Variants in UBASH3A observed in about 807,000 individuals in gnomAD.
UBASH3A encodes ubiquitin-associated and SH3 domain-containing protein A.
In UBASH3A, 63 loss-of-function variants were observed where a neutral mutation model predicts 73.5. The ratio of observed to expected loss-of-function variants is 0.86; its 90% CI spans 0.70 to 1.06. UBASH3A has a LOEUF of 1.06. Among genes scored for constraint, UBASH3A ranks in the 50% least tolerant of loss-of-function variants. The pLI is 0.00. For missense variants in UBASH3A, 860 were observed against 859.0 expected, an observed-to-expected ratio of 1.00 and a Z score of -0.02; for synonymous variants, 363 against 351.1, an observed-to-expected ratio of 1.03 and a Z score of -0.38.
chr21:42,420,219 C>T (rs569752151), intron 7 of UBASH3A, among the ~76,000 whole-genome samples: 8 of 152,086 alleles, frequency 5.3e-5, no homozygotes, highest in South Asian at 2.1e-4. Flanking sequence ...CTCGAGTCCC[C>T]GATATAAAAT....
In UBASH3A at chr21:42,432,237, C is replaced by A. The variant is rs180853404; in HGVS notation, c.1270+35C>A. The A allele has an allele frequency of 9.0e-5, 126 of 1,393,552 alleles. No homozygotes were observed. In the East Asian group the frequency reaches 2.8e-3, roughly 31 times the overall value. 86.3% of individuals were successfully genotyped at this position (1,393,552 alleles called of 1,614,324 possible). A position where few individuals can be genotyped will look rare whatever the true frequency, so the allele number is the denominator to read the frequency against. On this transcript the variant is annotated intron_variant, in intron 9 of 14. Transcript: ENST00000319294. ...ACTCAGGCGGGTCTACGGACAGAAA[C>A]ACTGTAGATCTAACCAATGAGATCT...
At chr21:42,409,732 T>C (rs2053052502) in intron 3 of UBASH3A, 124 bp downstream of exon 3, 1 of 838,868 alleles carries the variant, frequency 1.2e-6, no homozygotes, top group Non-Finnish European at 1.9e-6. Context: ...CATCATTAGC[T>C]GGCACCTTCA....
intron 6 of UBASH3A, among the ~76,000 whole-genome samples, chr21:42,418,159 G>A (rs552512147): frequency 3.0e-4 from 45 of 152,244 alleles, no homozygotes; most frequent in African/African-American, 9.9e-4. Flanking sequence ...TGGGATTACA[G>A]GCGTGAGCCA....
chr21:42,441,991 C>T (rs975021626), intron 11 of UBASH3A, among the ~76,000 whole-genome samples: 1 of 152,198 alleles, frequency 6.6e-6, no homozygotes, highest in Non-Finnish European at 1.5e-5. Flanking sequence ...CCATTCTTCA[C>T]CTCTTGCCCC....
chr21:42,433,283 G>A (rs946959852), intron 9 of UBASH3A, among the ~76,000 whole-genome samples: 1 of 152,158 alleles, frequency 6.6e-6, no homozygotes, highest in Non-Finnish European at 1.5e-5. Flanking sequence ...ATATTGCAGG[G>A]TTTAATAAAT....
chr21:42,437,699 G>A, intron 11 of UBASH3A, 119 bp downstream of exon 11: 1 of 893,074 alleles, frequency 1.1e-6, no homozygotes, highest in Admixed American at 2.0e-5. Flanking sequence ...CCACACCAAA[G>A]TCATCAGGCA....
intron 1 of UBASH3A, among the ~76,000 whole-genome samples, chr21:42,405,180 T>C (rs1421263869): frequency 1.3e-5 from 2 of 152,138 alleles, no homozygotes; most frequent in African/African-American, 2.4e-5. Flanking sequence ...TTGTCGTCAC[T>C]GTTATGTTCA....
rs764097928 is a variant in UBASH3A, at chr21:42,447,157, C to T, written c.1949C>T (p.Ala650Val). 4 of 1,614,156 alleles carry T rather than the reference C, an allele frequency of 2.5e-6. No individual in the cohort carries two copies. The East Asian group carries it at 8.9e-5, about 36-fold the overall frequency. ...PVKTLTHGANAAFNWRNWISG... is the reference protein window; with the variant it reads ...PVKTLTHGANVAFNWRNWISG... ...AAGACCCTGACCCACGGGGCGAACG[C>T]AGCATTTAACTGGAGGAACTGGATC... The change falls in exon 15 of 15, where the codon GCA (alanine) becomes GTA (valine). Residue 650 changes from alanine (A) to valine (V), a missense_variant. Transcript: ENST00000319294.
intron 7 of UBASH3A, among the ~76,000 whole-genome samples, chr21:42,419,341 T>A (rs1259389856): frequency 1.1e-4 from 17 of 152,224 alleles, no homozygotes; most frequent in Admixed American, 1.0e-3. Context: ...TTTATCTCTT[T>A]CCTCTCCCGC....
rs554148189 is a variant in UBASH3A at position 42,434,926 on chromosome 21, G to C, written c.1365G>C (p.Ser455=). The C allele has an allele frequency of 2.5e-6, 4 of 1,614,174 alleles. No individual in the cohort carries two copies. In the East Asian group the frequency reaches 8.9e-5, roughly 36 times the overall value. ...KDFENDPPLS[S]CGIFQSRIAG... is the part of the protein sequence containing the mutation. ...TTGAAAACGATCCCCCATTATCATC[G>C]TGTGGCATTTTCCAGTCCAGAATTG... The change falls in exon 10 of 15, where the codon TCG becomes TCC. Residue 455 remains serine (S), a synonymous_variant. Transcript: ENST00000319294.
intron 2 of UBASH3A, among the ~76,000 whole-genome samples, chr21:42,407,452 T>C (rs1004974713): frequency 1.3e-5 from 2 of 152,152 alleles, no homozygotes; most frequent in African/African-American, 4.8e-5. Flanking sequence ...ACAAGCCCAC[T>C]GCTGTGAAGG....
At chr21:42,444,109 C>T (rs1257953989) in intron 13 of UBASH3A, among the ~76,000 whole-genome samples, 1 of 152,234 alleles carries the variant, frequency 6.6e-6, no homozygotes, top group Non-Finnish European at 1.5e-5. Context: ...CTGAGGGAGA[C>T]CCACTCGGCC....
chr21:42,432,305 C>T, intron 9 of UBASH3A, 103 bp downstream of exon 9: 1 of 751,338 alleles, frequency 1.3e-6, no homozygotes, highest in Non-Finnish European at 2.3e-6. Flanking sequence ...CCTGAGGCAC[C>T]ATTCTGTAGA....
At chr21:42,409,987 C>T in intron 3 of UBASH3A, 2 of 679,220 alleles carry the variant, frequency 2.9e-6, no homozygotes, top group South Asian at 1.6e-5. Flanking sequence ...ATACCTCACT[C>T]ATCTTTGCAC....
chr21:42,433,857 G>A (rs2053580476), intron 9 of UBASH3A, among the ~76,000 whole-genome samples: 1 of 152,154 alleles, frequency 6.6e-6, no homozygotes, highest in East Asian at 1.9e-4. Flanking sequence ...GTGCAAGGCT[G>A]TGGGCCAGGA....
chr21:42,426,714 T>C lies in UBASH3A; in HGVS notation c.1064T>C (p.Leu355Pro). The C allele has an allele frequency of 6.2e-7, 1 of 1,614,002 alleles. No individual in the cohort carries two copies. Among genetic ancestry groups the C allele is most frequent in the Non-Finnish European group, 8.5e-7 (1 of 1,179,876 alleles). Residue 355 changes from leucine (L) to proline (P), a missense_variant, in exon 8 of 15, where the codon CTA (leucine) becomes CCA (proline). Transcript: ENST00000319294. Reference protein sequence around the residue: ...WVKHRMYTFSLATDLNSRKDG... With the variant: ...WVKHRMYTFSPATDLNSRKDG... ...CCCTGCAGGATGTACACCTTCAGTC[T>C]AGCCACAGACCTGAACTCCAGAAAG... is the stretch of plus-strand genomic sequence containing the variant.
chr21:42,443,505 T>C, intron 13 of UBASH3A, 87 bp downstream of exon 13: 3 of 1,159,580 alleles, frequency 2.6e-6, no homozygotes, highest in Non-Finnish European at 3.6e-6. Flanking sequence ...TTTCTGAACC[T>C]ATGAATGCCC....
intron 11 of UBASH3A, among the ~76,000 whole-genome samples, chr21:42,439,513 A>G (rs148593555): frequency 1.1e-4 from 17 of 152,204 alleles, no homozygotes; most frequent in Non-Finnish European, 2.2e-4. Flanking sequence ...TGACCAAACC[A>G]CGAAAGGACT....
chr21:42,447,314 C>G lies in UBASH3A; in HGVS notation c.*120C>G. 1 of 1,086,558 alleles carries G rather than the reference C, an allele frequency of 9.2e-7. No homozygotes were observed. Among genetic ancestry groups the G allele is most frequent in the Non-Finnish European group, 1.3e-6 (1 of 760,112 alleles). The allele number at this position is 1,086,558 out of a possible 1,614,324, so 67.3% of individuals were successfully genotyped here. A position where few individuals can be genotyped will look rare whatever the true frequency, so the allele number is the denominator to read the frequency against. On this transcript the variant is annotated 3_prime_UTR_variant, in exon 15 of 15. Coordinates refer to ENST00000319294, the MANE Select transcript of UBASH3A (RefSeq NM_018961.4). The stretch of plus-strand genomic sequence containing the variant: ...TCACCCAATGTGATTTGTAGAAGCA[C>G]GAGACGCACTTTTATATCCCGGAAT...
Sources: gnomAD v4.1 joint callset for allele counts (sites outside exome capture counted in the v4.1 genomes callset) on GRCh38, gnomAD v4.1.1 for gene constraint, MANE v1.5 for transcripts, NCBI Gene and HGNC (gene_info 2026-07-23, HGNC 2026-07-21) for gene names.